TTYH3: variants seen among roughly 807,000 people sequenced by gnomAD.
The protein encoded by TTYH3 is tweety family member 3.
A neutral mutation model predicts 68.2 loss-of-function variants in TTYH3; 23 were observed. That is an observed-to-expected ratio of 0.34 (90% CI 0.24 to 0.48). The LOEUF is 0.48. TTYH3 is among the 20% of genes least tolerant of loss of function. The probability of loss-of-function intolerance (pLI) is 0.99; values close to 1 mark genes in which losing one functional copy is unlikely to be tolerated. For missense variants in TTYH3, 768 were observed against 727.7 expected (o/e 1.06, Z -0.64); for synonymous variants, 360 against 332.8 (o/e 1.08, Z -0.89).
intron 7 of TTYH3, among the ~76,000 whole-genome samples, chr7:2,651,347 C>T (rs923727468): frequency 1.4e-4 from 21 of 152,170 alleles, no homozygotes; most frequent in Admixed American, 7.2e-4. Context: ...CCACCAAAGC[C>T]TGAAGAGCCT....
intron 13 of TTYH3, among the ~76,000 whole-genome samples, chr7:2,659,743 G>C (rs1786438987): frequency 1.3e-5 from 2 of 152,280 alleles, no homozygotes; most frequent in Middle Eastern, 3.4e-3. Flanking sequence ...CTGTAGCACA[G>C]AGCTGGGCCT....
At chr7:2,659,133 T>G in intron 13 of TTYH3, 118 bp downstream of exon 13, 1 of 1,001,830 alleles carries the variant, frequency 1.0e-6, no homozygotes, top group Non-Finnish European at 1.5e-6. Context: ...GGGGCAGCTG[T>G]GAGCTGCCAC....
chr7:2,656,597 G>A, intron 11 of TTYH3, 63 bp downstream of exon 11: 1 of 1,548,012 alleles, frequency 6.5e-7, no homozygotes, highest in South Asian at 1.2e-5. Flanking sequence ...GGACACTTCA[G>A]GGGCATGCCT....
At chr7:2,633,029 TG>T (rs1785563427) in intron 1 of TTYH3, among the ~76,000 whole-genome samples, 1 of 152,022 alleles carries the variant, frequency 6.6e-6, no homozygotes, top group African/African-American at 2.4e-5. Context: ...GGGGGGCGGC[TG>T]GGGGCCCTTT....
At chr7:2,651,989 G>A (rs947405584) in intron 7 of TTYH3, among the ~76,000 whole-genome samples, 198 bp from the exon 8 acceptor site, 8 of 152,188 alleles carry the variant, frequency 5.3e-5, no homozygotes, top group South Asian at 2.1e-4. Context: ...CACACGAAAC[G>A]TGCACAGAGA....
intron 1 of TTYH3, among the ~76,000 whole-genome samples, chr7:2,646,163 C>T (rs994924361): frequency 4.6e-5 from 7 of 152,260 alleles, no homozygotes; most frequent in Admixed American, 1.3e-4. Context: ...TACAGGCACC[C>T]GCCACCAGGC....
chr7:2,652,024 C>G (rs934701904), intron 7 of TTYH3, among the ~76,000 whole-genome samples, 163 bp from the exon 8 acceptor site: 3 of 152,234 alleles, frequency 2.0e-5, no homozygotes, highest in African/African-American at 7.2e-5. Context: ...AGTAAACATG[C>G]AGACACATGC....
At chr7:2,641,977 C>T (rs1488344904) in intron 1 of TTYH3, among the ~76,000 whole-genome samples, 1 of 152,264 alleles carries the variant, frequency 6.6e-6, no homozygotes, top group Admixed American at 6.5e-5. Flanking sequence ...GGCGCCATCT[C>T]CTTCCTCAGT....
At position 2,632,186 on chromosome 7, in the gene TTYH3, T is replaced by G. The variant is rs768964024; in HGVS notation, c.31T>G (p.Trp11Gly). 6.6e-7 allele frequency: 1 copy of G among 1,518,402 alleles called. No individual in the cohort carries two copies. Among genetic ancestry groups the G allele is most frequent in the Non-Finnish European group, 8.9e-7 (1 of 1,127,192 alleles). 94.1% of individuals were successfully genotyped at this position (1,518,402 alleles called of 1,614,324 possible). Residue 11 changes from tryptophan (W) to glycine (G), a missense_variant, in exon 1 of 14, where the codon TGG becomes GGG. Physicochemically the swap from Trp to Gly is radical, Grantham distance 184. Transcript: ENST00000258796. MAGVSYAAPW[W>G]VSLLHRLPHF... is the part of the protein sequence containing the mutation. Reference sequence around the variant, plus strand: ...CGGGGTCAGCTACGCGGCGCCCTGGTGGGTGAGCCTCCTGCACCGGCTGCC... The same window carrying G: ...CGGGGTCAGCTACGCGGCGCCCTGGGGGGTGAGCCTCCTGCACCGGCTGCC...
chr7:2,662,528 CTTTGCACTAACCACA>C lies in TTYH3; in HGVS notation c.*794_*808del, dbSNP rs893793486. 2 of 153,318 alleles carry C rather than the reference CTTTGCACTAACCACA, an allele frequency of 1.3e-5. No individual in the cohort carries two copies. The highest frequency in any genetic ancestry group is 4.8e-5 in the African/African-American group (2 of 41,458). 9.5% of individuals were successfully genotyped at this position (153,318 alleles called of 1,614,324 possible). A position where few individuals can be genotyped will look rare whatever the true frequency, so the allele number is the denominator to read the frequency against. ...ACTGGGCAGCTGTGTCTGGTTCGTT[CTTTGCACTAACCACA>C]TTTGTCATCTCTAGGGCAGGCTGGG... On this transcript the variant is annotated 3_prime_UTR_variant, in exon 14 of 14. Transcript: ENST00000258796.
In TTYH3 at chr7:2,663,838, C is replaced by T. The variant is rs1305149861; in HGVS notation, c.*2099C>T. 1 of 152,608 alleles carries T rather than the reference C, an allele frequency of 6.6e-6. No homozygotes were observed. The highest frequency in any genetic ancestry group is 6.5e-5 in the Admixed American group (1 of 15,292). 9.5% of individuals were successfully genotyped at this position (152,608 alleles called of 1,614,324 possible). ...GGTGTGCGTGTGTGCCCGTCTGTGA[C>T]TTTCTACTCACCAAGGTTGAAGAAA... On this transcript the variant is annotated 3_prime_UTR_variant, in exon 14 of 14. Transcript: ENST00000258796.
intron 1 of TTYH3, among the ~76,000 whole-genome samples, chr7:2,634,331 C>T (rs967036077): frequency 3.9e-5 from 6 of 152,156 alleles, no homozygotes; most frequent in African/African-American, 1.4e-4. Context: ...GTAGGGTCAC[C>T]CCTGGGAGGC....
rs933931780 is a variant in TTYH3 at position 2,658,206 on chromosome 7, A to C, written c.1251-80A>C. 1.9e-5 allele frequency: 26 copies of C among 1,370,514 alleles called. No homozygotes were observed. The South Asian group carries it at 3.6e-4, about 19-fold the overall frequency. 84.9% of individuals were successfully genotyped at this position (1,370,514 alleles called of 1,614,324 possible). On this transcript the variant is annotated intron_variant, in intron 11 of 13. Coordinates refer to ENST00000258796, the MANE Select transcript of TTYH3 (RefSeq NM_025250.3). ...ACTGGAACCAGGAGTGTCTGTCTGC[A>C]CCAGAACTGACCCCCATGGGTCTGT...
chr7:2,651,600 G>A (rs1786178995), intron 7 of TTYH3, among the ~76,000 whole-genome samples: 1 of 152,230 alleles, frequency 6.6e-6, no homozygotes, highest in Non-Finnish European at 1.5e-5. Context: ...ACGTAAGTGT[G>A]AGCTCCAGCC....
At position 2,645,136 on chromosome 7, in the gene TTYH3, C is replaced by T. The variant is rs957812071; in HGVS notation, c.124-1717C>T. Among the ~76,000 whole-genome samples the T allele has an allele frequency of 1.1e-4, 16 of 152,232 alleles. No individual in the cohort carries two copies. The highest frequency in any genetic ancestry group is 2.1e-4 in the Non-Finnish European group (14 of 68,032). On this transcript the variant is annotated intron_variant, in intron 1 of 13. Coordinates refer to ENST00000258796, the MANE Select transcript of TTYH3 (RefSeq NM_025250.3). The surrounding 1 kb of genome is among the most constrained non-coding windows in gnomAD (Gnocchi z 4.8). The stretch of plus-strand genomic sequence containing the variant: ...GCTGCTGACACCCCCCAGGGCACCC[C>T]CAAGTTAGCCTCTAGGTGGTCCCTG...
intron 5 of TTYH3, among the ~76,000 whole-genome samples, chr7:2,649,004 T>C (rs2398591): frequency 0.58 from 61,476 of 106,638 alleles, 21,648 homozygotes; most frequent in African/African-American, 0.79. Flanking sequence ...GTTTTGGGGA[T>C]CTGAACTGGG....
chr7:2,654,353 C>T (rs1460596943), intron 9 of TTYH3, among the ~76,000 whole-genome samples: 2 of 152,092 alleles, frequency 1.3e-5, no homozygotes, highest in Non-Finnish European at 2.9e-5. Context: ...TGTGATGGCA[C>T]CAGTTCACCC....
At chr7:2,660,027 C>T (rs758104333) in intron 13 of TTYH3, 9 of 1,294,880 alleles carry the variant, frequency 7.0e-6, no homozygotes, top group South Asian at 6.2e-5. Context: ...GTAGCTGTTC[C>T]CTCAGAGCGA....
intron 1 of TTYH3, among the ~76,000 whole-genome samples, chr7:2,638,000 G>GC (rs1279020276): frequency 2.0e-5 from 3 of 152,210 alleles, no homozygotes; most frequent in Non-Finnish European, 2.9e-5. Flanking sequence ...TAGCCGTTCT[G>GC]CCCCCCTCGG....
Sources: gnomAD v4.1 joint callset for allele counts (sites outside exome capture counted in the v4.1 genomes callset) on GRCh38, gnomAD v4.1.1 for gene constraint, Gnocchi (gnomAD v3.1) non-coding constraint, MANE v1.5 for transcripts, NCBI Gene and HGNC (gene_info 2026-07-23, HGNC 2026-07-21) for gene names.